Variants in DAB1 observed in about 807,000 individuals in gnomAD.
The protein encoded by DAB1 is disabled homolog 1.
A neutral mutation model predicts 64.6 loss-of-function variants in DAB1; 15 were observed. The ratio of observed to expected loss-of-function variants is 0.23; its 90% CI spans 0.16 to 0.36. The LOEUF is 0.36. DAB1 is among the 10% of genes least tolerant of loss of function. The pLI, the probability that DAB1 is intolerant of heterozygous loss-of-function variation, is 1.00. For missense variants in DAB1, 596 were observed against 706.7 expected, an observed-to-expected ratio of 0.84 and a Z score of 1.78; for synonymous variants, 235 against 251.9, an observed-to-expected ratio of 0.93 and a Z score of 0.64.
intron 7 of DAB1, among the ~76,000 whole-genome samples, chr1:57,454,904 G>A (rs17115804): frequency 0.039 from 5,861 of 152,214 alleles, 190 homozygotes; most frequent in East Asian, 0.17. Flanking sequence ...GTCTGGTAGA[G>A]AAGGGAGAAT....
intron 1 of DAB1, among the ~76,000 whole-genome samples, chr1:57,352,647 T>G (rs1678678413): frequency 6.6e-6 from 1 of 152,116 alleles, no homozygotes; most frequent in African/African-American, 2.4e-5. Flanking sequence ...AGAAAGAAAC[T>G]GAAGGAGTAA....
chr1:57,028,697 G>T (rs1313246574), intron 9 of DAB1, among the ~76,000 whole-genome samples: 1 of 152,184 alleles, frequency 6.6e-6, no homozygotes, highest in African/African-American at 2.4e-5. Flanking sequence ...CTGGAGCAAA[G>T]ATGACTCTTG....
chr1:57,324,619 C>A (rs1257834179), intron 1 of DAB1, among the ~76,000 whole-genome samples: 3 of 152,110 alleles, frequency 2.0e-5, no homozygotes, highest in African/African-American at 7.2e-5. Context: ...ACATAACTAT[C>A]CAAAACCCTC....
intron 6 of DAB1, among the ~76,000 whole-genome samples, chr1:57,740,540 G>A (rs970641503): frequency 1.3e-5 from 2 of 152,202 alleles, no homozygotes; most frequent in African/African-American, 4.8e-5. Context: ...TTATGTGGAA[G>A]TATTACATAA....
At chr1:58,065,799 A>C (rs575335446) in intron 5 of DAB1, among the ~76,000 whole-genome samples, 1 of 152,338 alleles carries the variant, frequency 6.6e-6, no homozygotes, top group African/African-American at 2.4e-5. Flanking sequence ...GGCCAGGGAC[A>C]GTCTTGGCCA....
At chr1:57,014,110 G>C (rs1228790007) in intron 12 of DAB1, among the ~76,000 whole-genome samples, 1 of 152,200 alleles carries the variant, frequency 6.6e-6, no homozygotes. Context: ...TATAATGTTT[G>C]AGCACATATA....
chr1:58,053,029 GC>G (rs1647788266), intron 5 of DAB1, among the ~76,000 whole-genome samples: 1 of 152,142 alleles, frequency 6.6e-6, no homozygotes. Context: ...GAGCTGCCAG[GC>G]TTTTTTAAAC....
intron 5 of DAB1, among the ~76,000 whole-genome samples, chr1:58,076,148 A>G (rs1649627201): frequency 6.6e-6 from 1 of 152,212 alleles, no homozygotes; most frequent in Non-Finnish European, 1.5e-5. Flanking sequence ...AATAGTAACT[A>G]GCACTGAGAC....
chr1:57,886,750 C>A (rs187332784), upstream of DAB1, among the ~76,000 whole-genome samples: 1 of 152,232 alleles, frequency 6.6e-6, no homozygotes, highest in African/African-American at 2.4e-5. Context: ...AGACTTTGGA[C>A]TCAAAGAACC....
chr1:57,098,396 C>T (rs1654365238), intron 4 of DAB1, among the ~76,000 whole-genome samples: 1 of 152,154 alleles, frequency 6.6e-6, no homozygotes, highest in Admixed American at 6.5e-5. Context: ...TCACACAACT[C>T]ATAAGGGTTC....
intron 2 of DAB1, among the ~76,000 whole-genome samples, chr1:57,155,530 T>C (rs940154285): frequency 6.6e-6 from 1 of 152,110 alleles, no homozygotes; most frequent in Non-Finnish European, 1.5e-5. Context: ...TCTGAGTTTT[T>C]TGTGGTTCCA....
At chr1:58,456,898 G>T (rs1193328691) in intron 3 of DAB1, among the ~76,000 whole-genome samples, 1 of 152,078 alleles carries the variant, frequency 6.6e-6, no homozygotes, top group Non-Finnish European at 1.5e-5. Context: ...TGCATGCAGG[G>T]TTGAGACCCC....
rs1254501382 is a variant in DAB1 at position 57,034,286 on chromosome 1, A to AAAAAAAAAAG, written c.724-8244_724-8243insCTTTTTTTTT. Among the ~76,000 whole-genome samples, 5 of 151,644 alleles carry AAAAAAAAAAG rather than the reference A, an allele frequency of 3.3e-5. 1 individual carries two copies. Among genetic ancestry groups the AAAAAAAAAAG allele is most frequent in the African/African-American group, 7.3e-5 (3 of 41,324 alleles). On this transcript the variant is annotated intron_variant, in intron 9 of 14. Transcript: ENST00000371236. Reference sequence around the variant, plus strand: ...CAGAGCGGACTCCATTTCAAAAAAAAAAAAAGAAATGCTCCTCCCCTCATC... The same window carrying AAAAAAAAAAG: ...CAGAGCGGACTCCATTTCAAAAAAAAAAAAAAAAAGAAAAAGAAATGCTCCTCCCCTCATC...
chr1:58,337,323 C>T (rs1323022219), intron 4 of DAB1, among the ~76,000 whole-genome samples: 2 of 145,890 alleles, frequency 1.4e-5, no homozygotes. Flanking sequence ...AATAAAATAA[C>T]ATAAATTGGA....
intron 4 of DAB1, among the ~76,000 whole-genome samples, chr1:57,106,094 G>T (rs1272332030): frequency 1.3e-5 from 2 of 152,154 alleles, no homozygotes; most frequent in Admixed American, 6.5e-5. Context: ...CCCCTAGCAG[G>T]TGCTCAGTTC....
At chr1:57,174,247 C>G (rs1008063033) in intron 2 of DAB1, among the ~76,000 whole-genome samples, 9 of 152,140 alleles carry the variant, frequency 5.9e-5, no homozygotes, top group African/African-American at 2.2e-4. Context: ...TCTCTACAAC[C>G]ATTCCATAAT....
chr1:58,168,165 T>C (rs1163312845), intron 4 of DAB1, among the ~76,000 whole-genome samples: 1 of 152,144 alleles, frequency 6.6e-6, no homozygotes, highest in Non-Finnish European at 1.5e-5. Flanking sequence ...AAGACATGGG[T>C]AACAGGCTTT....
At chr1:58,453,204 G>C (rs1320409094) in intron 3 of DAB1, among the ~76,000 whole-genome samples, 1 of 152,084 alleles carries the variant, frequency 6.6e-6, no homozygotes, top group Admixed American at 6.5e-5. Context: ...GAGAACTAGT[G>C]ATCACCGGGG....
At chr1:57,248,885 T>C (rs542949) in intron 2 of DAB1, among the ~76,000 whole-genome samples, 92,784 of 152,068 alleles carry the variant, frequency 0.61, 28,678 homozygotes, top group African/African-American at 0.7. Context: ...CCTCATGAGA[T>C]CCAGTTGAGT....
Sources: allele counts gnomAD v4.1 joint callset (sites outside exome capture counted in the v4.1 genomes callset), GRCh38; gene constraint gnomAD v4.1.1; transcripts MANE v1.5; gene names NCBI Gene and HGNC (gene_info 2026-07-23, HGNC 2026-07-21).